Variants in CCT3 observed in about 807,000 individuals in gnomAD.
CCT3 encodes chaperonin containing TCP1 subunit 3, also known as T-complex protein 1 subunit gamma.
In CCT3, 10 loss-of-function variants were observed where a neutral mutation model predicts 65.3. The observed-to-expected ratio is 0.15, with a 90% CI of 0.09 to 0.26. The LOEUF is 0.26. Among genes scored for constraint, CCT3 ranks in the 10% least tolerant of loss-of-function variants. The pLI is 1.00. For synonymous variants in CCT3, 225 were observed against 242.3 expected (o/e 0.93, Z 0.66); for missense variants, 626 against 708.7 (o/e 0.88, Z 1.33).
intron 5 of CCT3, among the ~76,000 whole-genome samples, chr1:156,327,626 G>T (rs1269601622): frequency 6.6e-6 from 1 of 152,084 alleles, no homozygotes; most frequent in African/African-American, 2.4e-5. Context: ...GCAGTGGCGT[G>T]ATCTCGGCTC....
chr1:156,335,818 A>AT lies in CCT3; in HGVS notation c.93+8dup. The AT allele has an allele frequency of 6.2e-7, 1 of 1,612,674 alleles. No homozygotes were observed. Among genetic ancestry groups the AT allele is most frequent in the African/African-American group, 1.3e-5 (1 of 75,020 alleles). ...GCAAACTACCATAAACACTTAAAAGATTTGTGACCTTGGCAGCATTGATGT... is the reference window on the plus strand; with the variant it reads ...GCAAACTACCATAAACACTTAAAAGATTTTGTGACCTTGGCAGCATTGATGT... On this transcript the variant is annotated intron_variant, in intron 2 of 13. Coordinates refer to ENST00000295688, the MANE Select transcript of CCT3 (RefSeq NM_005998.5).
chr1:156,330,075 A>G lies in CCT3; in HGVS notation c.304+3472T>C, dbSNP rs527317091. On this transcript the variant is annotated intron_variant, in intron 5 of 13. Coordinates refer to ENST00000295688, the MANE Select transcript of CCT3 (RefSeq NM_005998.5). The stretch of plus-strand genomic sequence containing the variant: ...TTTTCACATTCTTAAATCCATCTAC[A>G]TCTAAGATACTTAGACTCATGGATA... Among the ~76,000 whole-genome samples, 10 of 152,318 alleles carry G rather than the reference A, an allele frequency of 6.6e-5. No homozygotes were observed. In the East Asian group the frequency reaches 1.7e-3, roughly 26 times the overall value.
chr1:156,317,673 A>C, intron 8 of CCT3, 126 bp from the exon 9 acceptor site: 1 of 833,038 alleles, frequency 1.2e-6, no homozygotes, highest in Non-Finnish European at 1.8e-6. Flanking sequence ...TAAAGCCATG[A>C]CCTCAACACC....
chr1:156,337,888 C>T, intron 1 of CCT3: 1 of 527,686 alleles, frequency 1.9e-6, no homozygotes, highest in Non-Finnish European at 3.4e-6. Flanking sequence ...GGCTGAGGGA[C>T]AGAACGCGGA....
chr1:156,322,869 GCTTT>G (rs1379842746), intron 6 of CCT3, among the ~76,000 whole-genome samples: 1 of 151,524 alleles, frequency 6.6e-6, no homozygotes, highest in East Asian at 1.9e-4. Context: ...CAAAAAAAAG[GCTTT>G]CTAAGCGTGA....
At chr1:156,327,010 C>T (rs958940604) in intron 5 of CCT3, among the ~76,000 whole-genome samples, 2 of 152,156 alleles carry the variant, frequency 1.3e-5, no homozygotes, top group Non-Finnish European at 2.9e-5. Context: ...TGTGCCCAGG[C>T]ACCCCAGCCT....
Position 156,310,552 on chromosome 1 carries a change from C to T in CCT3, c.1533+6G>A. The T allele has an allele frequency of 6.2e-7, 1 of 1,608,250 alleles. No individual in the cohort carries two copies. Among genetic ancestry groups the T allele is most frequent in the South Asian group, 1.1e-5 (1 of 90,598 alleles). On this transcript the variant is annotated splice_donor_region_variant and intron_variant, in intron 13 of 13. Transcript: ENST00000295688. The stretch of plus-strand genomic sequence containing the variant: ...AACAGCGTGTACATATCTTAGGGTG[C>T]CTTACCTCCACTGCTGTCTTATAAG...
intron 6 of CCT3, among the ~76,000 whole-genome samples, chr1:156,322,387 C>T (rs1664592617): frequency 6.6e-6 from 1 of 151,940 alleles, no homozygotes; most frequent in Non-Finnish European, 1.5e-5. Flanking sequence ...GTCCCAGCTA[C>T]TTGGGAGGCT....
intron 6 of CCT3, among the ~76,000 whole-genome samples, chr1:156,323,820 T>C (rs1314092299): frequency 6.6e-6 from 1 of 151,754 alleles, no homozygotes; most frequent in Non-Finnish European, 1.5e-5. Flanking sequence ...TGGAGTGCAA[T>C]GGTGCGATCC....
intron 5 of CCT3, among the ~76,000 whole-genome samples, chr1:156,332,126 C>T (rs1475025200): frequency 6.6e-6 from 1 of 152,106 alleles, no homozygotes; most frequent in Non-Finnish European, 1.5e-5. Context: ...CCTGCCTCAC[C>T]GACCTCAGCC....
intron 10 of CCT3, among the ~76,000 whole-genome samples, chr1:156,314,404 T>C (rs1209298158): frequency 6.6e-6 from 1 of 152,102 alleles, no homozygotes; most frequent in Non-Finnish European, 1.5e-5. Flanking sequence ...TAACAGACAT[T>C]ACATCAGAGG....
chr1:156,325,842 CA>C (rs1472396563), intron 5 of CCT3, among the ~76,000 whole-genome samples: 5 of 152,008 alleles, frequency 3.3e-5, no homozygotes, highest in Non-Finnish European at 7.4e-5. Flanking sequence ...CTCGGCCACC[CA>C]AAGTGCTGGG....
chr1:156,310,037 C>CAA lies in CCT3; in HGVS notation c.1533+519_1533+520dup, dbSNP rs71080758. On this transcript the variant is annotated intron_variant, in intron 13 of 13. Coordinates refer to ENST00000295688, the MANE Select transcript of CCT3 (RefSeq NM_005998.5). Reference sequence around the variant, plus strand: ...TGGGCAACGGAGCGATAGTCTGTTTCAAAAAAAAAAAAAAAAAAAAAAAAA... The same window carrying CAA: ...TGGGCAACGGAGCGATAGTCTGTTTCAAAAAAAAAAAAAAAAAAAAAAAAAAA... 3.8e-4 allele frequency among the ~76,000 whole-genome samples: 29 copies of CAA among 76,498 alleles called. 1 individual carries two copies. The highest frequency in any genetic ancestry group is 8.6e-3 in the Middle Eastern group (1 of 116). 50.2% of individuals were successfully genotyped at this position (76,498 alleles called of 152,430 possible). A position where few individuals can be genotyped will look rare whatever the true frequency, so the allele number is the denominator to read the frequency against.
intron 5 of CCT3, among the ~76,000 whole-genome samples, chr1:156,329,964 G>C (rs1665039664): frequency 6.6e-6 from 1 of 151,498 alleles, no homozygotes; most frequent in South Asian, 2.1e-4. Flanking sequence ...AAAAGCCTGA[G>C]TAAGATAACT....
chr1:156,334,713 C>T lies in CCT3; in HGVS notation c.207G>A (p.Glu69=). 6.2e-7 allele frequency: 1 copy of T among 1,613,730 alleles called. No homozygotes were observed. ...MTNDGNAILR[E]IQVQHPAAKS... The stretch of plus-strand genomic sequence containing the variant: ...AAACAAAACCAAAAACAAAACACAC[C>T]TCTCGAAGAATGGCATTGCCATCAT... Residue 69 remains glutamate, a splice_region_variant and synonymous_variant, in exon 4 of 14, where the codon GAG becomes GAA. Coordinates refer to ENST00000295688, the MANE Select transcript of CCT3 (RefSeq NM_005998.5).
chr1:156,329,594 C>T (rs1028707452), intron 5 of CCT3, among the ~76,000 whole-genome samples: 4 of 151,814 alleles, frequency 2.6e-5, no homozygotes, highest in Non-Finnish European at 4.4e-5. Context: ...CGTAAGCCAC[C>T]GCGCCCAGCC....
At chr1:156,314,994 A>G (rs1161630123) in intron 10 of CCT3, among the ~76,000 whole-genome samples, 1 of 152,234 alleles carries the variant, frequency 6.6e-6, no homozygotes, top group African/African-American at 2.4e-5. Flanking sequence ...ACAAAAAAGC[A>G]GAAGTCAGAC....
chr1:156,319,060 A>G, intron 7 of CCT3, 43 bp from the exon 8 acceptor site: 1 of 1,517,232 alleles, frequency 6.6e-7, no homozygotes, highest in Non-Finnish European at 8.9e-7. Context: ...ATCAAGAGAC[A>G]ATTTCTTAAT....
rs149511473 is a variant in CCT3 at position 156,316,559 on chromosome 1, A to G, written c.974+607T>C. Among the ~76,000 whole-genome samples, 41 of 152,342 alleles carry G rather than the reference A, an allele frequency of 2.7e-4. No individual in the cohort carries two copies. In the East Asian group the frequency reaches 5.8e-3, roughly 21 times the overall value. On this transcript the variant is annotated intron_variant, in intron 10 of 13. Coordinates refer to ENST00000295688, the MANE Select transcript of CCT3 (RefSeq NM_005998.5). ...GGGTAGATTTGTCAGCTTTTTGATA[A>G]ATTAAAAATGAATGAACTTTGCTGG... is the stretch of plus-strand genomic sequence containing the variant.
Sources: gnomAD v4.1 joint callset for allele counts (sites outside exome capture counted in the v4.1 genomes callset) on GRCh38, gnomAD v4.1.1 for gene constraint, MANE v1.5 for transcripts, NCBI Gene and HGNC (gene_info 2026-07-23, HGNC 2026-07-21) for gene names.